The following LRP1B variants were observed in gnomAD, a reference collection of about 807,000 sequenced individuals.
LRP1B encodes the protein low-density lipoprotein receptor-related protein 1B.
Under a neutral mutation model 556.6 loss-of-function variants are expected in LRP1B, and 217 were observed. The ratio of observed to expected loss-of-function variants is 0.39; its 90% confidence interval spans 0.35 to 0.44. LRP1B has a LOEUF of 0.44. LRP1B is among the 20% of genes least tolerant of loss of function. The probability of loss-of-function intolerance (pLI) is 1.00; values close to 1 mark genes in which losing one functional copy is unlikely to be tolerated. For synonymous variants in LRP1B, 2,047 were observed against 1,865.8 expected (o/e 1.10, Z -2.50); for missense variants, 5,053 against 5,620.8 (o/e 0.90, Z 3.23).
At chr2:140,298,112 C>T (rs1180558807) in intron 83 of LRP1B, 143 bp from the exon 84 acceptor site, 3 of 616,876 alleles carry the variant, frequency 4.9e-6, no homozygotes, top group Admixed American at 7.0e-5. Flanking sequence ...TAGGCAGTAA[C>T]AAGACTTCTT....
chr2:141,369,978 T>C (rs181027920), intron 3 of LRP1B, among the ~76,000 whole-genome samples: 35 of 152,332 alleles, frequency 2.3e-4, no homozygotes, highest in African/African-American at 8.2e-4. Context: ...GGTTTCATTC[T>C]TTTTTTATGC....
At chr2:141,939,721 T>A (rs760667338) in intron 1 of LRP1B, among the ~76,000 whole-genome samples, 10 of 152,100 alleles carry the variant, frequency 6.6e-5, no homozygotes, top group Non-Finnish European at 1.0e-4. Flanking sequence ...TATATCACTG[T>A]TCATCATTGC....
intron 1 of LRP1B, among the ~76,000 whole-genome samples, chr2:141,901,575 T>C (rs1437099104): frequency 6.6e-6 from 1 of 151,910 alleles, no homozygotes. Context: ...ACATAATACA[T>C]TTATGTGCAG....
chr2:142,036,448 C>T (rs1376227006), intron 1 of LRP1B, among the ~76,000 whole-genome samples: 1 of 151,588 alleles, frequency 6.6e-6, no homozygotes, highest in Non-Finnish European at 1.5e-5. Context: ...ATTTATTGAT[C>T]TCTCCATTCT....
At chr2:140,288,825 C>T (rs1216791258) in intron 84 of LRP1B, among the ~76,000 whole-genome samples, 1 of 151,790 alleles carries the variant, frequency 6.6e-6, no homozygotes, top group Non-Finnish European at 1.5e-5. Context: ...TTTCAACCTA[C>T]AACTAAGTGA....
chr2:141,187,948 T>C (rs1681330521), intron 7 of LRP1B, among the ~76,000 whole-genome samples: 1 of 152,052 alleles, frequency 6.6e-6, no homozygotes, highest in African/African-American at 2.4e-5. Context: ...TGAACAAAGA[T>C]ATTTTTAATG....
Position 141,162,945 on chromosome 2 carries a change from G to A in LRP1B, c.1013+25476C>T, listed in dbSNP as rs1004225913. 2.0e-5 allele frequency among the ~76,000 whole-genome samples: 3 copies of A among 152,064 alleles called. No homozygotes were observed. The East Asian group carries it at 5.8e-4, about 29-fold the overall frequency. On this transcript the variant is annotated intron_variant, in intron 7 of 90. Coordinates refer to ENST00000389484, the MANE Select transcript of LRP1B (RefSeq NM_018557.3). ...AAACTAAATCTTGTTCATCAGACAT[G>A]CAGAAGAAGCCAAGACATTAATCTA... is the stretch of plus-strand genomic sequence containing the variant.
chr2:141,595,651 A>G (rs762501981), intron 2 of LRP1B, among the ~76,000 whole-genome samples: 2 of 152,092 alleles, frequency 1.3e-5, no homozygotes, highest in Non-Finnish European at 1.5e-5. Flanking sequence ...AGATAATATG[A>G]CTCACATCTT....
At chr2:141,836,882 C>T (rs896618489) in intron 1 of LRP1B, among the ~76,000 whole-genome samples, 4 of 151,818 alleles carry the variant, frequency 2.6e-5, no homozygotes, top group African/African-American at 9.7e-5. Context: ...ATCTTTAGAT[C>T]CTATGACAAA....
intron 2 of LRP1B, among the ~76,000 whole-genome samples, chr2:141,544,352 CTTCTTCTTCTTCTTCTT>C (rs1685446603): frequency 2.2e-5 from 2 of 89,570 alleles, no homozygotes; most frequent in African/African-American, 7.7e-5. Flanking sequence ...TCTTCTTCTT[CTTCTTCTTCTTCTTCTT>C]CTTCTTCTTC....
chr2:141,216,380 T>C (rs1368073231), intron 6 of LRP1B, among the ~76,000 whole-genome samples: 1 of 152,196 alleles, frequency 6.6e-6, no homozygotes, highest in African/African-American at 2.4e-5. Flanking sequence ...TGGGAAAGCG[T>C]GGTTGCCCAT....
chr2:141,270,490 T>C (rs1685048956), intron 3 of LRP1B, among the ~76,000 whole-genome samples: 1 of 152,078 alleles, frequency 6.6e-6, no homozygotes, highest in African/African-American at 2.4e-5. Flanking sequence ...ACCATGCCCA[T>C]AGCAGTGTTA....
chr2:141,364,986 A>T (rs909401087), intron 3 of LRP1B, among the ~76,000 whole-genome samples: 1 of 152,070 alleles, frequency 6.6e-6, no homozygotes, highest in African/African-American at 2.4e-5. Flanking sequence ...AGCTCAGCTT[A>T]GAAAGCTGTT....
At chr2:141,138,288 A>G (rs148209418) in intron 7 of LRP1B, among the ~76,000 whole-genome samples, 1 of 152,114 alleles carries the variant, frequency 6.6e-6, no homozygotes, top group African/African-American at 2.4e-5. Context: ...ACGGGATTTT[A>G]TAAAAGAAAC....
At chr2:140,879,156 C>G (rs1274566120) in intron 25 of LRP1B, among the ~76,000 whole-genome samples, 2 of 152,114 alleles carry the variant, frequency 1.3e-5, no homozygotes, top group African/African-American at 2.4e-5. Context: ...TCTGATGCAT[C>G]ATCTTTTGCC....
intron 43 of LRP1B, among the ~76,000 whole-genome samples, chr2:140,560,910 CAT>C (rs1376949089): frequency 6.6e-6 from 1 of 152,130 alleles, no homozygotes; most frequent in East Asian, 1.9e-4. Context: ...TATATATATA[CAT>C]GTTTGTGATT....
intron 11 of LRP1B, among the ~76,000 whole-genome samples, chr2:141,032,337 G>A (rs1158505507): frequency 6.6e-6 from 1 of 151,972 alleles, no homozygotes; most frequent in Non-Finnish European, 1.5e-5. Flanking sequence ...TTGAACATGT[G>A]TATACGTCTA....
chr2:141,962,800 GAC>G (rs1427172997), intron 1 of LRP1B, among the ~76,000 whole-genome samples: 2 of 151,788 alleles, frequency 1.3e-5, no homozygotes, highest in African/African-American at 4.8e-5. Flanking sequence ...GCATGTGAAT[GAC>G]ATAGCCTTAC....
chr2:141,383,302 G>A (rs1689709409), intron 3 of LRP1B, among the ~76,000 whole-genome samples: 1 of 152,076 alleles, frequency 6.6e-6, no homozygotes, highest in Non-Finnish European at 1.5e-5. Context: ...ACAGTATAGA[G>A]GCTCCTCAAA....
Sources: gnomAD v4.1 joint callset for allele counts (sites outside exome capture counted in the v4.1 genomes callset) on GRCh38, gnomAD v4.1.1 for gene constraint, MANE v1.5 for transcripts, NCBI Gene and HGNC (gene_info 2026-07-23, HGNC 2026-07-21) for gene names.